PCID2: variants seen among roughly 807,000 people sequenced by gnomAD.
PCID2 encodes the protein PCI domain containing 2.
In PCID2, 41 loss-of-function variants were observed where a neutral mutation model predicts 61.3. That is an observed-to-expected ratio of 0.67 (90% CI 0.52 to 0.87). The LOEUF is 0.87. Among genes scored for constraint, PCID2 ranks in the 40% least tolerant of loss-of-function variants. PCID2 has a pLI of 0.00. For synonymous variants in PCID2, 187 were observed against 177.8 expected (o/e 1.05, Z -0.41); for missense variants, 392 against 493.4 (o/e 0.79, Z 1.95).
At chr13:113,207,694 A>G (rs1349589656) in intron 1 of PCID2, among the ~76,000 whole-genome samples, 1 of 152,218 alleles carries the variant, frequency 6.6e-6, no homozygotes, top group Non-Finnish European at 1.5e-5. Context: ...CTTTTCAGCT[A>G]TCAAGTACGT....
At chr13:113,185,379 A>T (rs1672394325) in intron 8 of PCID2, 106 bp downstream of exon 8, 8 of 804,944 alleles carry the variant, frequency 9.9e-6, no homozygotes, top group Non-Finnish European at 1.7e-5. Flanking sequence ...GGTTATGATC[A>T]TTTCACAAGC....
chr13:113,178,379 TCTTC>T (rs759028595), intron 13 of PCID2, 92 bp from the exon 14 acceptor site: 6 of 907,582 alleles, frequency 6.6e-6, no homozygotes, highest in Non-Finnish European at 1.1e-5. Context: ...GCATTAGCAT[TCTTC>T]CCCAAGAGCG....
chr13:113,176,604 A>C (rs577116708), downstream of PCID2, among the ~76,000 whole-genome samples: 7 of 152,128 alleles, frequency 4.6e-5, no homozygotes, highest in Non-Finnish European at 7.4e-5. Context: ...CTCTACAAAA[A>C]ATAAAAAAAT....
the PCID2 span, among the ~76,000 whole-genome samples, chr13:113,167,742 A>G: frequency 6.6e-6 from 1 of 151,522 alleles, no homozygotes; most frequent in Non-Finnish European, 1.5e-5. Context: ...AGTGTGAAAA[A>G]CCTCTGCCTT....
chr13:113,184,501 C>T lies in PCID2; in HGVS notation c.544-14G>A. The T allele has an allele frequency of 6.7e-7, 1 of 1,496,218 alleles. No homozygotes were observed. 92.7% of individuals were successfully genotyped at this position (1,496,218 alleles called of 1,614,324 possible). On this transcript the variant is annotated splice_polypyrimidine_tract_variant and intron_variant, in intron 8 of 13. Transcript: ENST00000337344. ...GAGTTTGTTGATCTATAATGAATAA[C>T]AATCCATTTAAAATATTTAAAAACA...
intron 7 of PCID2, among the ~76,000 whole-genome samples, chr13:113,190,188 T>G (rs1223546009): frequency 6.7e-6 from 1 of 149,334 alleles, no homozygotes; most frequent in African/African-American, 2.5e-5. Flanking sequence ...AAACATCAAC[T>G]TACAAATACA....
At position 113,185,486 on chromosome 13, in the gene PCID2, T is replaced by C; in HGVS notation, c.542A>G (p.Lys181Arg). 1 of 1,607,890 alleles carries C rather than the reference T, an allele frequency of 6.2e-7. No homozygotes were observed. The highest frequency in any genetic ancestry group is 8.5e-7 in the Non-Finnish European group (1 of 1,174,304). The change falls in exon 8 of 14, where the codon AAG becomes AGG. Residue 181 changes from lysine (K) to arginine (R), a missense_variant and splice_region_variant. By Grantham distance (26) the Lys-to-Arg change is conservative. Coordinates refer to ENST00000337344, the MANE Select transcript of PCID2 (RefSeq NM_001127202.4). ...GAAAGGATTCAAACAGAAGCACACC[T>C]TGAAGTAGATTTTAAACAGCTGGTT... ...LVNQLFKIYF[K>R]INKLHLCKPL...
intron 1 of PCID2, 193 bp downstream of exon 1, chr13:113,208,406 G>A (rs1217916997): frequency 6.1e-6 from 9 of 1,478,048 alleles, no homozygotes; most frequent in Non-Finnish European, 6.3e-6. Context: ...CGGCCCTGCA[G>A]GGGAGAACTC....
chr13:113,167,651 T>C, the PCID2 span, among the ~76,000 whole-genome samples: 2 of 152,382 alleles, frequency 1.3e-5, no homozygotes, highest in East Asian at 3.9e-4. Context: ...AGCCTATTTG[T>C]ATTTTTATAA....
chr13:113,203,756 G>T (rs2039600862), intron 1 of PCID2, among the ~76,000 whole-genome samples: 1 of 152,138 alleles, frequency 6.6e-6, no homozygotes, highest in South Asian at 2.1e-4. Flanking sequence ...TCAAGGATGA[G>T]GGTGGCAACT....
At chr13:113,192,638 T>C (rs534484487) in intron 6 of PCID2, among the ~76,000 whole-genome samples, 1 of 152,348 alleles carries the variant, frequency 6.6e-6, no homozygotes, top group East Asian at 1.9e-4. Context: ...TACTGTGAGC[T>C]TAGCAGCTTT....
chr13:113,183,846 A>C (rs1281034311), intron 9 of PCID2: 2 of 985,332 alleles, frequency 2.0e-6, no homozygotes, highest in Non-Finnish European at 2.4e-6. Flanking sequence ...GAGGCTGTTT[A>C]AACAGGAGCT....
chr13:113,205,543 C>T (rs1057136915), intron 1 of PCID2, among the ~76,000 whole-genome samples: 1 of 152,130 alleles, frequency 6.6e-6, no homozygotes, highest in African/African-American at 2.4e-5. Flanking sequence ...AAAACCTGCG[C>T]AAGAATGTTC....
chr13:113,208,385 G>C, intron 1 of PCID2: 1 of 1,439,152 alleles, frequency 6.9e-7, no homozygotes, highest in Non-Finnish European at 9.1e-7. Flanking sequence ...GACACCGCCC[G>C]GCCCCCACGG....
chr13:113,207,071 C>G (rs4907598), intron 1 of PCID2, among the ~76,000 whole-genome samples: 1 of 152,104 alleles, frequency 6.6e-6, no homozygotes, highest in African/African-American at 2.4e-5. Context: ...CTGAAATACA[C>G]GAGCTGATGC....
At chr13:113,178,314 T>A in intron 13 of PCID2, 27 bp from the exon 14 acceptor site, 1 of 1,567,282 alleles carries the variant, frequency 6.4e-7, no homozygotes, top group Non-Finnish European at 8.8e-7. Flanking sequence ...GAGGAATGCG[T>A]TTACATTTTT....
At chr13:113,200,766 G>A in intron 1 of PCID2, 1 of 318,526 alleles carries the variant, frequency 3.1e-6, no homozygotes, top group South Asian at 2.9e-5. Context: ...GACTGCAGTG[G>A]CGCAATCGTA....
chr13:113,197,774 G>C (rs1294802348), intron 3 of PCID2, among the ~76,000 whole-genome samples: 1 of 152,208 alleles, frequency 6.6e-6, no homozygotes, highest in African/African-American at 2.4e-5. Flanking sequence ...ATGGCTATAA[G>C]GACACAATCT....
At chr13:113,204,777 C>T (rs919160029) in intron 1 of PCID2, among the ~76,000 whole-genome samples, 6 of 152,190 alleles carry the variant, frequency 3.9e-5, no homozygotes, top group African/African-American at 1.4e-4. Flanking sequence ...ACGGACGGTA[C>T]TTGCAAGCCC....
Sources: allele counts gnomAD v4.1 joint callset (sites outside exome capture counted in the v4.1 genomes callset), GRCh38; gene constraint gnomAD v4.1.1; transcripts MANE v1.5; gene names NCBI Gene and HGNC (gene_info 2026-07-23, HGNC 2026-07-21).